Variants in CALCOCO1 observed in about 807,000 individuals in gnomAD.
The protein encoded by CALCOCO1 is calcium-binding and coiled-coil domain-containing protein 1.
A neutral mutation model predicts 86.3 loss-of-function variants in CALCOCO1; 44 were observed. The ratio of observed to expected loss-of-function variants is 0.51; its 90% CI spans 0.40 to 0.66. The LOEUF is 0.66. Among genes scored for constraint, CALCOCO1 ranks in the 30% least tolerant of loss-of-function variants. The probability of loss-of-function intolerance (pLI) is 0.00; values close to 1 mark genes in which losing one functional copy is unlikely to be tolerated. For synonymous variants in CALCOCO1, 297 were observed against 327.6 expected (o/e 0.91, Z 1.01); for missense variants, 708 against 851.1 (o/e 0.83, Z 2.09).
Position 53,725,124 on chromosome 12 carries a change from G to A in CALCOCO1, c.119C>T (p.Thr40Ile), listed in dbSNP as rs750223738. The change falls in exon 2 of 15, where the codon ACC becomes ATC. Residue 40 changes from threonine to isoleucine, a missense_variant. Transcript: ENST00000550804. ...AATCCAGTCACTGGCACTGGGCATG[G>A]TGCCTGGGGGAAGGGTGTAGTGACA... ...VECHYTLPPG[T>I]MPSASDWIGI... 4 of 1,612,044 alleles carry A rather than the reference G, an allele frequency of 2.5e-6. No homozygotes were observed. The South Asian group carries it at 3.3e-5, about 13-fold the overall frequency.
In CALCOCO1 at chr12:53,710,719, G is replaced by C. The variant is rs1168583702; in HGVS notation, c.*1225C>G. 3 of 152,350 alleles carry C rather than the reference G, an allele frequency of 2.0e-5. No homozygotes were observed. Among genetic ancestry groups the C allele is most frequent in the Non-Finnish European group, 4.4e-5 (3 of 68,174 alleles). The allele number at this position is 152,350 out of a possible 1,614,324, so 9.4% of individuals were successfully genotyped here. On this transcript the variant is annotated 3_prime_UTR_variant, in exon 15 of 15. Coordinates refer to ENST00000550804, the MANE Select transcript of CALCOCO1 (RefSeq NM_020898.3). ...TTTTTTACTAAGTAGATACTCAAAGGTGTACGCTCTTGACAGGAATAAAGC... is the reference window on the plus strand; with the variant it reads ...TTTTTTACTAAGTAGATACTCAAAGCTGTACGCTCTTGACAGGAATAAAGC...
Position 53,719,754 on chromosome 12 carries a change from G to T in CALCOCO1, c.834C>A (p.Asp278Glu), listed in dbSNP as rs1945818721. ...AGCCCCTTACCTCACTTTGCTCCTT[G>T]TCTGCTTGTACTTCTTTCAGTTGCC... ...LLGQLKEVQA[D>E]KEQSEAELQV... The change falls in exon 7 of 15, where the codon GAC (aspartate) becomes GAA (glutamate). Residue 278 changes from aspartate (D) to glutamate (E), a missense_variant. Transcript: ENST00000550804. 6.2e-7 allele frequency: 1 copy of T among 1,613,416 alleles called. No homozygotes were observed. Among genetic ancestry groups the T allele is most frequent in the African/African-American group, 1.3e-5 (1 of 74,890 alleles).
At chr12:53,721,669 T>C in intron 5 of CALCOCO1, 54 bp from the exon 6 acceptor site, 4 of 1,607,400 alleles carry the variant, frequency 2.5e-6, no homozygotes, top group Non-Finnish European at 3.4e-6. Flanking sequence ...ATCTCTCAAG[T>C]GGTGGAACAA....
intron 10 of CALCOCO1, 63 bp from the exon 11 acceptor site, chr12:53,714,756 G>T: frequency 4.1e-6 from 5 of 1,226,808 alleles, no homozygotes; most frequent in Non-Finnish European, 5.9e-6. Flanking sequence ...CCTGGACTCT[G>T]GGACCAGGAC....
At chr12:53,713,354 G>C (rs901765960) in intron 13 of CALCOCO1, 148 bp from the exon 14 acceptor site, 19 of 667,698 alleles carry the variant, frequency 2.8e-5, no homozygotes, top group South Asian at 8.5e-5. Context: ...GCGTTTTGAG[G>C]GGCTGGTGAA....
intron 6 of CALCOCO1, among the ~76,000 whole-genome samples, chr12:53,720,584 C>T (rs1945842470): frequency 1.3e-5 from 2 of 152,116 alleles, no homozygotes; most frequent in Non-Finnish European, 2.9e-5. Context: ...CTAATATCTC[C>T]CTAGGGTGAG....
Position 53,719,731 on chromosome 12 carries a change from C to T in CALCOCO1, c.849+8G>A. 6.2e-7 allele frequency: 1 copy of T among 1,603,964 alleles called. No individual in the cohort carries two copies. The highest frequency in any genetic ancestry group is 8.5e-7 in the Non-Finnish European group (1 of 1,171,490). On this transcript the variant is annotated splice_region_variant and intron_variant, in intron 7 of 14. Transcript: ENST00000550804. ...ATGGAGAAAGCAAATCAACTCTGAGCCCCTTACCTCACTTTGCTCCTTGTC... is the reference window on the plus strand; with the variant it reads ...ATGGAGAAAGCAAATCAACTCTGAGTCCCTTACCTCACTTTGCTCCTTGTC...
In CALCOCO1 at chr12:53,722,202, G is replaced by C; in HGVS notation, c.451-19C>G. 6.2e-7 allele frequency: 1 copy of C among 1,611,106 alleles called. No individual in the cohort carries two copies. Among genetic ancestry groups the C allele is most frequent in the South Asian group, 1.1e-5 (1 of 91,082 alleles). On this transcript the variant is annotated intron_variant, in intron 4 of 14. Coordinates refer to ENST00000550804, the MANE Select transcript of CALCOCO1 (RefSeq NM_020898.3). ...GCTGGTTCTACAGGCAGCAGAAGGA[G>C]AAGGGGAGTGTGCTGGTGGAGTACC...
At position 53,710,093 on chromosome 12, in the gene CALCOCO1, C is replaced by G. The variant is rs1267732790; in HGVS notation, c.*1851G>C. 1 of 152,046 alleles carries G rather than the reference C, an allele frequency of 6.6e-6. No homozygotes were observed. The highest frequency in any genetic ancestry group is 2.4e-5 in the African/African-American group (1 of 41,344). The allele number at this position is 152,046 out of a possible 1,614,324, so 9.4% of individuals were successfully genotyped here. A position where few individuals can be genotyped will look rare whatever the true frequency, so the allele number is the denominator to read the frequency against. ...AGCCCAGCTCGTATTTATTAATAGTCTTAATACGGGAAGCAATAAAGGAAG... is the reference window on the plus strand; with the variant it reads ...AGCCCAGCTCGTATTTATTAATAGTGTTAATACGGGAAGCAATAAAGGAAG... On this transcript the variant is annotated 3_prime_UTR_variant, in exon 15 of 15. Transcript: ENST00000550804.
At position 53,711,369 on chromosome 12, in the gene CALCOCO1, G is replaced by C. The variant is rs1158783433; in HGVS notation, c.*575C>G. On this transcript the variant is annotated 3_prime_UTR_variant, in exon 15 of 15. Coordinates refer to ENST00000550804, the MANE Select transcript of CALCOCO1 (RefSeq NM_020898.3). The stretch of plus-strand genomic sequence containing the variant: ...AAACCCCTCCAAACTGAATACCTAA[G>C]GTTATGGAAAAGGCTAGGGTGGGGC... 1.8e-5 allele frequency: 7 copies of C among 390,904 alleles called. No homozygotes were observed. The highest frequency in any genetic ancestry group is 6.5e-4 in the Middle Eastern group (1 of 1,542). The allele number at this position is 390,904 out of a possible 1,614,324, so 24.2% of individuals were successfully genotyped here.
At chr12:53,726,731 G>A (rs1946043585) in intron 1 of CALCOCO1, among the ~76,000 whole-genome samples, 1 of 152,148 alleles carries the variant, frequency 6.6e-6, no homozygotes, top group Non-Finnish European at 1.5e-5. Context: ...TCATCTCCCT[G>A]AAAAATTCCT....
In CALCOCO1 at chr12:53,722,197, AAGG is replaced by A. The variant is rs1207079366; in HGVS notation, c.451-17_451-15del. On this transcript the variant is annotated splice_polypyrimidine_tract_variant and intron_variant, in intron 4 of 14. Transcript: ENST00000550804. ...ATCGAGCTGGTTCTACAGGCAGCAG[AAGG>A]AGAAGGGGAGTGTGCTGGTGGAGTA... 1.6e-5 allele frequency: 26 copies of A among 1,611,710 alleles called. No individual in the cohort carries two copies. Among genetic ancestry groups the A allele is most frequent in the Non-Finnish European group, 2.1e-5 (25 of 1,180,002 alleles).
intron 5 of CALCOCO1, 149 bp from the exon 6 acceptor site, chr12:53,721,764 A>G: frequency 2.0e-6 from 2 of 1,008,018 alleles, no homozygotes; most frequent in Non-Finnish European, 3.0e-6. Flanking sequence ...GTAAGGGAAC[A>G]TTCCCTTACC....
In CALCOCO1 at chr12:53,715,788, T is replaced by C; in HGVS notation, c.1260+5A>G. ...CAGATTGCCAGGTACCCCCCATCCCTCTACCTCCACACTCTGCAGCAGCCC... is the reference window on the plus strand; with the variant it reads ...CAGATTGCCAGGTACCCCCCATCCCCCTACCTCCACACTCTGCAGCAGCCC... On this transcript the variant is annotated splice_donor_5th_base_variant and intron_variant, in intron 9 of 14. Transcript: ENST00000550804. 1 of 1,607,888 alleles carries C rather than the reference T, an allele frequency of 6.2e-7. No homozygotes were observed. Among genetic ancestry groups the C allele is most frequent in the Non-Finnish European group, 8.5e-7 (1 of 1,179,078 alleles).
rs1945981682 is a variant in CALCOCO1 at position 53,724,863 on chromosome 12, A to C, written c.157-116T>G. The C allele has an allele frequency of 4.2e-5, 37 of 890,208 alleles. No homozygotes were observed. The South Asian group carries it at 6.1e-4, about 15-fold the overall frequency. The allele number at this position is 890,208 out of a possible 1,614,324, so 55.1% of individuals were successfully genotyped here. A position where few individuals can be genotyped will look rare whatever the true frequency, so the allele number is the denominator to read the frequency against. On this transcript the variant is annotated intron_variant, in intron 2 of 14. Coordinates refer to ENST00000550804, the MANE Select transcript of CALCOCO1 (RefSeq NM_020898.3). The stretch of plus-strand genomic sequence containing the variant: ...GGATGGAGCTACAGTGGCAACAATG[A>C]CAAGAGAAAGGGAAAGTGGAGGGAC...
Position 53,714,248 on chromosome 12 carries a change from T to C in CALCOCO1, c.1483-7A>G, listed in dbSNP as rs746864442. 6.2e-7 allele frequency: 1 copy of C among 1,608,152 alleles called. No homozygotes were observed. Among genetic ancestry groups the C allele is most frequent in the South Asian group, 1.1e-5 (1 of 90,922 alleles). On this transcript the variant is annotated splice_polypyrimidine_tract_variant and splice_region_variant and intron_variant, in intron 11 of 14. Coordinates refer to ENST00000550804, the MANE Select transcript of CALCOCO1 (RefSeq NM_020898.3). ...TCATGTACTCTAGCAATTCCTGGAATTGGGAAGGAAAAAGGCAGGTGCTAG... is the reference window on the plus strand; with the variant it reads ...TCATGTACTCTAGCAATTCCTGGAACTGGGAAGGAAAAAGGCAGGTGCTAG...
Position 53,711,128 on chromosome 12 carries a change from A to G in CALCOCO1, c.*816T>C, listed in dbSNP as rs1416571727. ...TTGTGACAACAGTCATACATATCAT[A>G]TAAATATATTTGTTCAAACTACAAA... On this transcript the variant is annotated 3_prime_UTR_variant, in exon 15 of 15. Coordinates refer to ENST00000550804, the MANE Select transcript of CALCOCO1 (RefSeq NM_020898.3). 7.6e-6 allele frequency: 3 copies of G among 396,774 alleles called. No individual in the cohort carries two copies. Among genetic ancestry groups the G allele is most frequent in the African/African-American group, 6.2e-5 (3 of 48,490 alleles). The allele number at this position is 396,774 out of a possible 1,614,324, so 24.6% of individuals were successfully genotyped here. A position where few individuals can be genotyped will look rare whatever the true frequency, so the allele number is the denominator to read the frequency against.
chr12:53,717,531 C>G (rs528184378), intron 7 of CALCOCO1, among the ~76,000 whole-genome samples: 4 of 152,342 alleles, frequency 2.6e-5, no homozygotes, highest in African/African-American at 9.6e-5. Flanking sequence ...TAAGCCTTTG[C>G]TCACGTCTTT....
chr12:53,721,558 G>A lies in CALCOCO1; in HGVS notation c.667C>T (p.Gln223Ter), dbSNP rs148517395. Residue 223 changes from glutamine (Q) to a stop codon, truncating the protein, a stop_gained, in exon 6 of 15, where the codon CAG (glutamine) becomes TAG (stop). Transcript: ENST00000550804. LOFTEE classifies it high-confidence loss of function. ...TEERDILSRQ[Q>*]GDHVARILEL... ...AGGATGCGTGCCACATGGTCTCCCT[G>A]TTGCCGGCTCAGGATGTCCCTCTCT... is the stretch of plus-strand genomic sequence containing the variant. 6.2e-7 allele frequency: 1 copy of A among 1,613,840 alleles called. No individual in the cohort carries two copies. The highest frequency in any genetic ancestry group is 1.3e-5 in the African/African-American group (1 of 74,970).
Sources: gnomAD v4.1 joint callset for allele counts (sites outside exome capture counted in the v4.1 genomes callset) on GRCh38, gnomAD v4.1.1 for gene constraint, MANE v1.5 for transcripts, NCBI Gene and HGNC (gene_info 2026-07-23, HGNC 2026-07-21) for gene names.